ADK: variants seen among roughly 807,000 people sequenced by gnomAD.
ADK encodes the protein adenosine kinase.
In ADK, 24 loss-of-function variants were observed where a neutral mutation model predicts 44.7. That is an observed-to-expected ratio of 0.54 (90% confidence interval 0.39 to 0.76). The LOEUF (loss-of-function observed/expected upper bound fraction) is 0.76, where lower values mean the gene tolerates loss of function less well. Ranked by LOEUF, ADK falls within the 30% of genes least tolerant of loss-of-function variation. ADK has a pLI of 0.00. For missense variants in ADK, 321 were observed against 425.1 expected, an observed-to-expected ratio of 0.76 and a Z score of 2.15; for synonymous variants, 128 against 142.6, an observed-to-expected ratio of 0.90 and a Z score of 0.73.
chr10:74,308,182 A>G (rs1840318698), intron 3 of ADK, among the ~76,000 whole-genome samples: 1 of 152,184 alleles, frequency 6.6e-6, no homozygotes, highest in Non-Finnish European at 1.5e-5. Context: ...AATGATCTTC[A>G]TGTTCAGAGT....
chr10:74,474,153 A>AG (rs1846720057), intron 6 of ADK, among the ~76,000 whole-genome samples: 2 of 151,870 alleles, frequency 1.3e-5, no homozygotes, highest in African/African-American at 4.8e-5. Context: ...TTCTCACTCT[A>AG]TATCTCAGGT....
At chr10:74,612,841 A>G (rs1331038693) in intron 9 of ADK, among the ~76,000 whole-genome samples, 2 of 152,118 alleles carry the variant, frequency 1.3e-5, no homozygotes, top group South Asian at 2.1e-4. Context: ...ATTATTCTGC[A>G]TATGGCTAGC....
At chr10:74,627,581 A>G (rs1044769987) in intron 9 of ADK, among the ~76,000 whole-genome samples, 1 of 150,522 alleles carries the variant, frequency 6.6e-6, no homozygotes, top group African/African-American at 2.5e-5. Flanking sequence ...TTTAAGTACT[A>G]AGAGTGTTTT....
intron 9 of ADK, among the ~76,000 whole-genome samples, chr10:74,638,136 T>C (rs1354927560): frequency 6.6e-6 from 1 of 152,198 alleles, no homozygotes; most frequent in Non-Finnish European, 1.5e-5. Context: ...TTGAGTGTCT[T>C]GATATTTAGA....
intron 7 of ADK, among the ~76,000 whole-genome samples, chr10:74,578,958 A>G (rs1340739098): frequency 6.6e-6 from 1 of 152,132 alleles, no homozygotes; most frequent in Non-Finnish European, 1.5e-5. Context: ...CATGTTTGGT[A>G]CAGGCTTATG....
At chr10:74,245,485 A>C (rs1255942743) in intron 3 of ADK, among the ~76,000 whole-genome samples, 2 of 152,134 alleles carry the variant, frequency 1.3e-5, no homozygotes, top group African/African-American at 4.8e-5. Flanking sequence ...CTTTACATGT[A>C]GTAGATGACC....
chr10:74,553,190 GTTTTTTTTTTTTTT>G (rs386371837), intron 7 of ADK, among the ~76,000 whole-genome samples: 13 of 60,440 alleles, frequency 2.2e-4, no homozygotes, highest in African/African-American at 7.0e-4. Flanking sequence ...AGCACATTGT[GTTTTTTTTTTTTTT>G]TTTTTTTTTT....
intron 9 of ADK, among the ~76,000 whole-genome samples, chr10:74,601,111 A>C (rs1645901549): frequency 6.6e-6 from 1 of 152,080 alleles, no homozygotes; most frequent in Admixed American, 6.5e-5. Context: ...AGTATTACCT[A>C]TGTGTTTGTT....
chr10:74,254,576 T>C (rs998808950), intron 3 of ADK, among the ~76,000 whole-genome samples: 3 of 152,094 alleles, frequency 2.0e-5, no homozygotes, highest in Non-Finnish European at 4.4e-5. Context: ...TGAAAAATAT[T>C]ATTCAATAAC....
intron 1 of ADK, among the ~76,000 whole-genome samples, chr10:74,192,392 T>G (rs1038696231): frequency 6.6e-6 from 1 of 152,088 alleles, no homozygotes; most frequent in African/African-American, 2.4e-5. Context: ...CACACCCAGC[T>G]AATTTTTCTG....
chr10:74,550,770 AATTG>A (rs1850006963), intron 7 of ADK, among the ~76,000 whole-genome samples: 1 of 152,206 alleles, frequency 6.6e-6, no homozygotes, highest in African/African-American at 2.4e-5. Context: ...TTTTAATTTT[AATTG>A]ATTTATATCA....
chr10:74,626,029 G>C (rs1490300658), intron 9 of ADK, among the ~76,000 whole-genome samples: 5 of 152,138 alleles, frequency 3.3e-5, no homozygotes, highest in Admixed American at 3.3e-4. Context: ...AACTAGTGTA[G>C]TTGATAATAA....
At chr10:74,475,203 G>A (rs754663028) in intron 6 of ADK, among the ~76,000 whole-genome samples, 1 of 152,054 alleles carries the variant, frequency 6.6e-6, no homozygotes, top group African/African-American at 2.4e-5. Context: ...AGGGCTCATG[G>A]ATATTTATTT....
chr10:74,217,700 C>T (rs1270668122), intron 2 of ADK, among the ~76,000 whole-genome samples: 4 of 152,220 alleles, frequency 2.6e-5, no homozygotes, highest in Non-Finnish European at 5.9e-5. Flanking sequence ...CAGACAGCAG[C>T]ATTCGCGGTT....
At chr10:74,226,087 G>A (rs10762588) in intron 3 of ADK, among the ~76,000 whole-genome samples, 76,331 of 151,830 alleles carry the variant, frequency 0.5, 20,244 homozygotes, top group Non-Finnish European at 0.59. Context: ...ATAACTTGGC[G>A]AACTGATACT....
chr10:74,201,265 A>T (rs766167955), intron 2 of ADK, among the ~76,000 whole-genome samples: 13 of 152,238 alleles, frequency 8.5e-5, no homozygotes, highest in Admixed American at 2.6e-4. Flanking sequence ...AACGTGCAGG[A>T]TATAATTCAG....
intron 6 of ADK, 21 bp downstream of exon 6, chr10:74,398,600 A>C: frequency 1.5e-6 from 2 of 1,346,428 alleles, no homozygotes; most frequent in Non-Finnish European, 2.1e-6. Context: ...ACCTAATTCA[A>C]ATCTCTAGTA....
chr10:74,499,773 A>T (rs377297751), intron 6 of ADK, among the ~76,000 whole-genome samples: 21 of 152,288 alleles, frequency 1.4e-4, no homozygotes, highest in South Asian at 1.2e-3. Flanking sequence ...CACTGTCAAG[A>T]AATTGGAAAC....
At chr10:74,347,106 C>CAAAAAAAAAAAAAAAAAAAAAAAA (rs58074760) in intron 4 of ADK, among the ~76,000 whole-genome samples, 3 of 92,302 alleles carry the variant, frequency 3.3e-5, no homozygotes, top group African/African-American at 1.4e-4. Context: ...CACTCTGTCT[C>CAAAAAAAAAAAAAAAAAAAAAAAA]AAAAAAAAAA....
Sources: gnomAD v4.1 joint callset for allele counts (sites outside exome capture counted in the v4.1 genomes callset) on GRCh38, gnomAD v4.1.1 for gene constraint, MANE v1.5 for transcripts, NCBI Gene and HGNC (gene_info 2026-07-23, HGNC 2026-07-21) for gene names.